BCAR1: variants seen among roughly 807,000 people sequenced by gnomAD.
BCAR1 encodes the protein BCAR1 scaffold protein, Cas family member, also known as breast cancer anti-estrogen resistance protein 1.
Under a neutral mutation model 67.6 loss-of-function variants are expected in BCAR1, and 30 were observed. The observed-to-expected ratio is 0.44, with a 90% CI of 0.33 to 0.60. The LOEUF (loss-of-function observed/expected upper bound fraction) is 0.60, where lower values mean the gene tolerates loss of function less well. Among genes scored for constraint, BCAR1 ranks in the 20% least tolerant of loss-of-function variants. BCAR1 has a pLI of 0.02. For synonymous variants in BCAR1, 626 were observed against 556.7 expected, an observed-to-expected ratio of 1.12 and a Z score of -1.75; for missense variants, 1,313 against 1,222.3, an observed-to-expected ratio of 1.07 and a Z score of -1.11.
intron 5 of BCAR1, 67 bp from the exon 6 acceptor site, chr16:75,234,002 T>C (rs2076996132): frequency 1.3e-6 from 2 of 1,497,468 alleles, no homozygotes; most frequent in Non-Finnish European, 1.8e-6. Context: ...GCCAGCCCTG[T>C]GGCGGGCGCA....
intron 1 of BCAR1, among the ~76,000 whole-genome samples, chr16:75,262,381 C>T (rs1371194282): frequency 6.6e-6 from 1 of 152,346 alleles, no homozygotes; most frequent in East Asian, 1.9e-4. Flanking sequence ...ACCCCACCAA[C>T]AAATGGACAA....
upstream of BCAR1, chr16:75,252,358 C>G: frequency 6.6e-7 from 1 of 1,525,162 alleles, no homozygotes; most frequent in Admixed American, 2.0e-5. Flanking sequence ...GAGTCCTGCT[C>G]CAACTCATCT....
intron 2 of BCAR1, among the ~76,000 whole-genome samples, chr16:75,239,568 C>G (rs1175298077): frequency 1.3e-5 from 2 of 152,188 alleles, no homozygotes; most frequent in Admixed American, 1.3e-4. Context: ...GCTGGTCTCC[C>G]CCTTCTGCAA....
intron 1 of BCAR1, 29 bp downstream of exon 1, chr16:75,251,442 C>A (rs1393385888): frequency 1.4e-6 from 2 of 1,467,240 alleles, no homozygotes; most frequent in African/African-American, 1.5e-5. Context: ...CAAGCCCGTA[C>A]GCGGCCCGGC....
chr16:75,242,761 G>A lies in BCAR1; in HGVS notation c.342C>T (p.Val114=). The change falls in exon 2 of 7, where the codon GTC becomes GTT. Residue 114 remains valine (V), a synonymous_variant. Transcript: ENST00000162330. ...CCTTGCTGGGAGTGGGCACCAGGTAGACGCTGTCTGGCTGGGGCTGGTAGG... is the reference window on the plus strand; with the variant it reads ...CCTTGCTGGGAGTGGGCACCAGGTAAACGCTGTCTGGCTGGGGCTGGTAGG... ...PNTYQPQPDS[V]YLVPTPSKAQ... 6.3e-7 allele frequency: 1 copy of A among 1,595,072 alleles called. No homozygotes were observed. Among genetic ancestry groups the A allele is most frequent in the Non-Finnish European group, 8.5e-7 (1 of 1,170,930 alleles).
chr16:75,258,340 T>C (rs1391698826), intron 1 of BCAR1, among the ~76,000 whole-genome samples: 3 of 152,220 alleles, frequency 2.0e-5, no homozygotes, highest in Non-Finnish European at 4.4e-5. Context: ...CCGCCAACAC[T>C]GGAGGCAGGC....
At chr16:75,230,874 C>G (rs531670874) in intron 6 of BCAR1, among the ~76,000 whole-genome samples, 6 of 152,280 alleles carry the variant, frequency 3.9e-5, no homozygotes, top group African/African-American at 1.2e-4. Flanking sequence ...ATACATACTC[C>G]GCTTTTTTTC....
At chr16:75,262,257 G>A (rs186655062) in intron 1 of BCAR1, among the ~76,000 whole-genome samples, 28 of 152,346 alleles carry the variant, frequency 1.8e-4, no homozygotes, top group African/African-American at 5.8e-4. Flanking sequence ...TACTCCTGGG[G>A]CCACATACTC....
At chr16:75,244,760 T>C (rs1258396656) in intron 1 of BCAR1, among the ~76,000 whole-genome samples, 2 of 152,140 alleles carry the variant, frequency 1.3e-5, no homozygotes, top group Non-Finnish European at 2.9e-5. Context: ...GGTGGAGTCA[T>C]ATTGGAGCCA....
intron 1 of BCAR1, chr16:75,251,060 C>A: frequency 8.5e-6 from 7 of 827,600 alleles, no homozygotes; most frequent in Non-Finnish European, 1.0e-5. Flanking sequence ...TGGGCAGTCC[C>A]CACGCCACAC....
chr16:75,267,885 G>C, intron 1 of BCAR1: 5 of 1,583,250 alleles, frequency 3.2e-6, no homozygotes, highest in Non-Finnish European at 3.4e-6. Context: ...AGCAGGGAGA[G>C]AGGGGACCCT....
chr16:75,251,774 G>C (rs1264535951), upstream of BCAR1: 41 of 707,632 alleles, frequency 5.8e-5, no homozygotes, highest in Non-Finnish European at 7.1e-5. Flanking sequence ...GCCCAGTAGG[G>C]GCCGCCCCCC....
chr16:75,236,547 T>C, intron 4 of BCAR1: 1 of 432,498 alleles, frequency 2.3e-6, no homozygotes, highest in Non-Finnish European at 4.1e-6. Flanking sequence ...AGGACAGTGC[T>C]GGTTTGTCCC....
intron 1 of BCAR1, chr16:75,249,846 A>G (rs2077621205): frequency 6.6e-6 from 1 of 152,262 alleles, no homozygotes; most frequent in Admixed American, 6.5e-5. Context: ...CCCCAATCCC[A>G]GACTGGGAAT....
rs551684714 is a variant in BCAR1 at position 75,261,576 on chromosome 16, A to C, written c.66+6339T>G. Among the ~76,000 whole-genome samples the C allele has an allele frequency of 2.0e-5, 3 of 152,380 alleles. No individual in the cohort carries two copies. The East Asian group carries it at 5.8e-4, about 29-fold the overall frequency. On this transcript the variant is annotated intron_variant, in intron 1 of 6. Transcript: ENST00000393422. ...CCTCATTCCTGGGGGCACTTGGAGCAGGGCAGCAGCTGCATAGATGCGATG... is the reference window on the plus strand; with the variant it reads ...CCTCATTCCTGGGGGCACTTGGAGCCGGGCAGCAGCTGCATAGATGCGATG...
At chr16:75,237,409 C>T (rs966125684) in intron 2 of BCAR1, 65 bp from the exon 3 acceptor site, 1 of 1,397,642 alleles carries the variant, frequency 7.2e-7, no homozygotes, top group Non-Finnish European at 9.3e-7. Context: ...TCCACTCACA[C>T]CTGGGAGCCA....
intron 1 of BCAR1, chr16:75,265,856 G>C: frequency 8.6e-7 from 1 of 1,167,252 alleles, no homozygotes. Context: ...CGCCCCCGGG[G>C]CCTGGCGGGC....
In BCAR1 at chr16:75,266,608, C is replaced by T; in HGVS notation, c.66+1307G>A. The T allele has an allele frequency of 7.7e-6, 6 of 776,410 alleles. No homozygotes were observed. In the South Asian group the frequency reaches 1.8e-4, roughly 23 times the overall value. 48.1% of individuals were successfully genotyped at this position (776,410 alleles called of 1,614,324 possible). ...CCATGGTGCCCACACATGGCACCTG[C>T]AGCCACTGGGCACGTGCATGTTCGT... is the stretch of plus-strand genomic sequence containing the variant. On this transcript the variant is annotated intron_variant, in intron 1 of 6. Transcript: ENST00000393422.
At chr16:75,242,438 G>A (rs2077375792) in intron 2 of BCAR1, 32 bp downstream of exon 2, 1 of 1,412,848 alleles carries the variant, frequency 7.1e-7, no homozygotes, top group South Asian at 1.9e-5. Context: ...CTATACCTGT[G>A]TGGCTGCACA....
Sources: gnomAD v4.1 joint callset for allele counts (sites outside exome capture counted in the v4.1 genomes callset) on GRCh38, gnomAD v4.1.1 for gene constraint, MANE v1.5 for transcripts, NCBI Gene and HGNC (gene_info 2026-07-23, HGNC 2026-07-21) for gene names.